DLG1: variants seen among roughly 807,000 people sequenced by gnomAD.
DLG1 encodes disks large homolog 1.
In DLG1, 42 loss-of-function variants were observed where a neutral mutation model predicts 123.4. That is an observed-to-expected ratio of 0.34 (90% CI 0.27 to 0.44). The LOEUF (loss-of-function observed/expected upper bound fraction) is 0.44. DLG1 is among the 20% of genes least tolerant of loss of function. The pLI is 1.00. For missense variants in DLG1, 942 were observed against 1,082.6 expected (o/e 0.87, Z 1.82); for synonymous variants, 317 against 356.2 (o/e 0.89, Z 1.24).
At chr3:197,297,811 G>A (rs1357703943) in intron 1 of DLG1, 1 of 985,306 alleles carries the variant, frequency 1.0e-6, no homozygotes, top group Non-Finnish European at 1.2e-6. Flanking sequence ...AAGTTCCGGT[G>A]AGCGGCGTGC....
At chr3:197,050,949 A>C (rs1727189641) in intron 24 of DLG1, among the ~76,000 whole-genome samples, 2 of 152,248 alleles carry the variant, frequency 1.3e-5, no homozygotes, top group Non-Finnish European at 1.5e-5. Flanking sequence ...AAAATGGATC[A>C]AAATTTATAA....
chr3:197,134,497 C>G (rs933472774), intron 10 of DLG1, among the ~76,000 whole-genome samples: 5 of 135,720 alleles, frequency 3.7e-5, no homozygotes, highest in South Asian at 2.4e-4. Flanking sequence ...AAAAAAAAGA[C>G]TTAAAATAGA....
chr3:197,294,791 A>G (rs992643448), intron 3 of DLG1, among the ~76,000 whole-genome samples: 2 of 152,170 alleles, frequency 1.3e-5, no homozygotes, highest in African/African-American at 2.4e-5. Flanking sequence ...CCCATCCCCA[A>G]TCTAGACAGA....
intron 4 of DLG1, among the ~76,000 whole-genome samples, chr3:197,250,430 G>A (rs542187240): frequency 1.6e-4 from 25 of 152,018 alleles, no homozygotes; most frequent in Non-Finnish European, 2.8e-4. Flanking sequence ...TTAGCTGGGC[G>A]TCATGGTGGG....
At chr3:197,111,611 A>C (rs1248795828) in intron 13 of DLG1, among the ~76,000 whole-genome samples, 2 of 152,318 alleles carry the variant, frequency 1.3e-5, no homozygotes, top group South Asian at 2.1e-4. Flanking sequence ...GGATTTTGCT[A>C]ACCATAAAAA....
intron 17 of DLG1, 92 bp downstream of exon 17, chr3:197,080,959 G>T: frequency 8.3e-7 from 1 of 1,208,952 alleles, no homozygotes; most frequent in South Asian, 1.4e-5. Flanking sequence ...GGCAAGAACT[G>T]ATCATGAATA....
intron 4 of DLG1, among the ~76,000 whole-genome samples, chr3:197,203,131 T>C (rs557921593): frequency 5.3e-4 from 80 of 152,208 alleles, no homozygotes; most frequent in African/African-American, 1.7e-3. Flanking sequence ...GATGTGGTGA[T>C]GTGTGCCTAC....
At chr3:197,154,748 G>A (rs1456502790) in intron 5 of DLG1, among the ~76,000 whole-genome samples, 1 of 152,078 alleles carries the variant, frequency 6.6e-6, no homozygotes, top group East Asian at 1.9e-4. Flanking sequence ...AAATATCAAT[G>A]AAGAGAAATA....
At chr3:197,069,138 CAT>C in intron 19 of DLG1, 79 bp downstream of exon 19, 6 of 890,060 alleles carry the variant, frequency 6.7e-6, no homozygotes, top group Non-Finnish European at 8.3e-6. Context: ...GTTTTTATAA[CAT>C]ATCACTCAGA....
intron 5 of DLG1, among the ~76,000 whole-genome samples, chr3:197,180,423 G>A (rs369152075): frequency 3.9e-5 from 6 of 152,018 alleles, no homozygotes; most frequent in African/African-American, 9.7e-5. Context: ...CTGAGGGTGC[G>A]GAACCAAGGA....
chr3:197,119,762 C>T (rs188336308), intron 11 of DLG1, among the ~76,000 whole-genome samples: 1 of 152,114 alleles, frequency 6.6e-6, no homozygotes, highest in Non-Finnish European at 1.5e-5. Flanking sequence ...GGATTACAGG[C>T]ATAAGCCACC....
intron 4 of DLG1, among the ~76,000 whole-genome samples, chr3:197,207,577 T>G (rs1342808757): frequency 2.6e-5 from 4 of 152,124 alleles, no homozygotes; most frequent in Non-Finnish European, 5.9e-5. Flanking sequence ...AAAGAAAGTC[T>G]ATAGATAAGG....
chr3:197,216,672 C>T (rs921434935), intron 4 of DLG1, among the ~76,000 whole-genome samples: 4 of 152,106 alleles, frequency 2.6e-5, no homozygotes, highest in African/African-American at 7.2e-5. Context: ...AGGAGGTATT[C>T]GGCAGAAATA....
At chr3:197,268,182 T>C (rs1306245573) in intron 4 of DLG1, among the ~76,000 whole-genome samples, 1 of 152,150 alleles carries the variant, frequency 6.6e-6, no homozygotes, top group South Asian at 2.1e-4. Flanking sequence ...CAGATACAGA[T>C]ATAGAGCAAT....
At chr3:197,072,566 A>T (rs1744637315) in intron 18 of DLG1, among the ~76,000 whole-genome samples, 1 of 151,996 alleles carries the variant, frequency 6.6e-6, no homozygotes, top group South Asian at 2.1e-4. Flanking sequence ...CAGTTTTCTA[A>T]TGGAGAGTTA....
intron 4 of DLG1, among the ~76,000 whole-genome samples, chr3:197,228,496 AGG>A (rs1741132787): frequency 6.6e-6 from 1 of 152,236 alleles, no homozygotes; most frequent in South Asian, 2.1e-4. Flanking sequence ...AATGATTACT[AGG>A]AATTAACCAG....
chr3:197,078,649 A>C (rs1037995961), intron 17 of DLG1: 4 of 152,200 alleles, frequency 2.6e-5, no homozygotes, highest in Non-Finnish European at 4.4e-5. Context: ...TATTTGAATA[A>C]AAATCTTTGT....
intron 4 of DLG1, among the ~76,000 whole-genome samples, chr3:197,265,476 C>T (rs910582764): frequency 1.3e-5 from 2 of 152,092 alleles, no homozygotes; most frequent in Non-Finnish European, 2.9e-5. Context: ...GAGGAGAAAG[C>T]GTTGAGAATA....
intron 8 of DLG1, among the ~76,000 whole-genome samples, chr3:197,139,324 A>G (rs968908551): frequency 2.0e-5 from 3 of 152,200 alleles, no homozygotes; most frequent in African/African-American, 7.2e-5. Context: ...TGAATGGTCA[A>G]ATGATTAATT....
Sources: allele counts gnomAD v4.1 joint callset (sites outside exome capture counted in the v4.1 genomes callset), GRCh38; gene constraint gnomAD v4.1.1; transcripts MANE v1.5; gene names NCBI Gene and HGNC (gene_info 2026-07-23, HGNC 2026-07-21).